Variants in PGR observed in about 807,000 individuals in gnomAD.
PGR encodes the protein nuclear receptor subfamily 3 group C member 3.
A neutral mutation model predicts 76.1 loss-of-function variants in PGR; 25 were observed. That is an observed-to-expected ratio of 0.33 (90% CI 0.24 to 0.46). The LOEUF (loss-of-function observed/expected upper bound fraction) is 0.46, where lower values mean the gene tolerates loss of function less well. PGR is among the 20% of genes least tolerant of loss of function. The pLI is 1.00. For synonymous variants in PGR, 579 were observed against 535.0 expected (o/e 1.08, Z -1.14); for missense variants, 1,172 against 1,225.3 (o/e 0.96, Z 0.65).
At chr11:101,073,277 GA>G (rs1460830724) in intron 3 of PGR, among the ~76,000 whole-genome samples, 1 of 152,132 alleles carries the variant, frequency 6.6e-6, no homozygotes, top group Non-Finnish European at 1.5e-5. Flanking sequence ...TGAAACCAAT[GA>G]GAACAAAGAC....
chr11:101,126,018 C>G lies in PGR; in HGVS notation c.1778G>C (p.Arg593Thr). The G allele has an allele frequency of 6.2e-7, 1 of 1,613,940 alleles. No individual in the cohort carries two copies. Among genetic ancestry groups the G allele is most frequent in the Non-Finnish European group, 8.5e-7 (1 of 1,179,902 alleles). ...GGAAAGGAGCCTACCTTCCATTGCC[C>G]TCTTAAAGAAGACCTTACAGCTCCC... is the stretch of plus-strand genomic sequence containing the variant. ...TCGSCKVFFK[R>T]AMEGQHNYLC... is the part of the protein sequence containing the mutation. Residue 593 changes from arginine to threonine, a missense_variant, in exon 2 of 8, where the codon AGG (arginine) becomes ACG (threonine). Transcript: ENST00000325455.
Position 101,127,605 on chromosome 11 carries a change from A to C in PGR, c.1466T>G (p.Leu489Arg), listed in dbSNP as rs966448999. Residue 489 changes from leucine to arginine, a missense_variant, in exon 1 of 8, where the codon CTG becomes CGG. This residue lies in a region of PGR where 893 missense variants were observed against 785.9 expected (regional missense o/e 1.14). Coordinates refer to ENST00000325455, the MANE Select transcript of PGR (RefSeq NM_000926.4). The stretch of plus-strand genomic sequence containing the variant: ...GGAGGGCAGGCCGTCCCGCGGGAGC[A>C]GGCAGCCGCTCGCGCCCGGCGCCTT... ...PCKAPGASGC[L>R]LPRDGLPSTS... 2 of 1,303,588 alleles carry C rather than the reference A, an allele frequency of 1.5e-6. No individual in the cohort carries two copies. Among genetic ancestry groups the C allele is most frequent in the African/African-American group, 3.1e-5 (2 of 64,524 alleles). The allele number at this position is 1,303,588 out of a possible 1,614,324, so 80.8% of individuals were successfully genotyped here. A position where few individuals can be genotyped will look rare whatever the true frequency, so the allele number is the denominator to read the frequency against.
Position 101,030,126 on chromosome 11 carries a change from T to C in PGR, c.*8990A>G, listed in dbSNP as rs1346690311. The C allele has an allele frequency of 9.1e-6, 2 of 219,674 alleles. No individual in the cohort carries two copies. The highest frequency in any genetic ancestry group is 1.8e-5 in the Non-Finnish European group (2 of 109,634). The allele number at this position is 219,674 out of a possible 1,614,324, so 13.6% of individuals were successfully genotyped here. ...AAAGTATAACTCTGGACAATGTACT[T>C]AGGGACCTACTACTTACTCAAAATA... On this transcript the variant is annotated 3_prime_UTR_variant, in exon 8 of 8. Transcript: ENST00000325455.
Position 101,128,026 on chromosome 11 carries a change from A to G in PGR, c.1045T>C (p.Ser349Pro), listed in dbSNP as rs1862936049. Residue 349 changes from serine (S) to proline (P), a missense_variant, in exon 1 of 8, where the codon TCG (serine) becomes CCG (proline). Transcript: ENST00000325455. ...TCGCCTACAGCGACCGGGGTGGACG[A>G]GGCACAGGGTGAACTCCGCGGCGGG... ...FAPPRSSPCA[S>P]STPVAVGDFP... 1.9e-6 allele frequency: 3 copies of G among 1,608,598 alleles called. No homozygotes were observed. Among genetic ancestry groups the G allele is most frequent in the Non-Finnish European group, 2.5e-6 (3 of 1,179,794 alleles).
At chr11:101,111,571 G>A (rs950405685) in intron 2 of PGR, among the ~76,000 whole-genome samples, 2 of 152,170 alleles carry the variant, frequency 1.3e-5, no homozygotes, top group Non-Finnish European at 1.5e-5. Flanking sequence ...TAGCTGAAAT[G>A]CCATTTCTGG....
intron 2 of PGR, among the ~76,000 whole-genome samples, chr11:101,094,792 G>A (rs1861785614): frequency 6.6e-6 from 1 of 152,086 alleles, no homozygotes; most frequent in African/African-American, 2.4e-5. Flanking sequence ...TTGAATGTTT[G>A]TGTCCCCTTC....
At chr11:101,119,210 C>A (rs1862600005) in intron 2 of PGR, among the ~76,000 whole-genome samples, 1 of 152,226 alleles carries the variant, frequency 6.6e-6, no homozygotes, top group Admixed American at 6.5e-5. Context: ...CACTTCCTAA[C>A]AGGCCATGGG....
chr11:101,095,611 A>C (rs552734777), intron 2 of PGR, among the ~76,000 whole-genome samples: 1 of 152,340 alleles, frequency 6.6e-6, no homozygotes, highest in African/African-American at 2.4e-5. Flanking sequence ...GAGGTAGTAT[A>C]GAAAGTTACT....
intron 7 of PGR, 154 bp downstream of exon 7, chr11:101,041,791 C>G: frequency 1.6e-6 from 1 of 632,212 alleles, no homozygotes; most frequent in Non-Finnish European, 2.7e-6. Flanking sequence ...AAAAAAAACA[C>G]AATAAAAAGT....
At chr11:101,119,914 T>C (rs1243170946) in intron 2 of PGR, among the ~76,000 whole-genome samples, 1 of 152,230 alleles carries the variant, frequency 6.6e-6, no homozygotes, top group Admixed American at 6.5e-5. Context: ...AACCTCTCTT[T>C]ACACCCATCT....
At chr11:101,111,101 T>C (rs1862328638) in intron 2 of PGR, among the ~76,000 whole-genome samples, 1 of 152,228 alleles carries the variant, frequency 6.6e-6, no homozygotes, top group Admixed American at 6.5e-5. Flanking sequence ...CAATATTTGC[T>C]TTATTGTAGT....
At chr11:101,124,253 C>T (rs982140521) in intron 2 of PGR, among the ~76,000 whole-genome samples, 1 of 152,114 alleles carries the variant, frequency 6.6e-6, no homozygotes, top group Non-Finnish European at 1.5e-5. Flanking sequence ...GGAAAGACTT[C>T]GTCTACAGTT....
At position 101,037,554 on chromosome 11, in the gene PGR, T is replaced by C. The variant is rs549535467; in HGVS notation, c.*1562A>G. ...GAATTTTGCTTAGGGAGAGAAATAA[T>C]ATTCCATTCATTCAGTTTAAAAACT... On this transcript the variant is annotated 3_prime_UTR_variant, in exon 8 of 8. Transcript: ENST00000325455. 2.6e-5 allele frequency: 6 copies of C among 228,290 alleles called. No individual in the cohort carries two copies. In the South Asian group the frequency reaches 5.5e-4, roughly 21 times the overall value. 14.1% of individuals were successfully genotyped at this position (228,290 alleles called of 1,614,324 possible).
intron 3 of PGR, among the ~76,000 whole-genome samples, chr11:101,073,899 G>T (rs1861031933): frequency 6.6e-6 from 1 of 152,112 alleles, no homozygotes; most frequent in African/African-American, 2.4e-5. Context: ...TTCTACCAGA[G>T]ATACAAGGAG....
chr11:101,116,837 C>T (rs1004532614), intron 2 of PGR, among the ~76,000 whole-genome samples: 1 of 151,132 alleles, frequency 6.6e-6, no homozygotes, highest in Non-Finnish European at 1.5e-5. Flanking sequence ...TTTTAGATAG[C>T]TCTCTATACC....
chr11:101,068,078 A>G (rs1214450914), intron 3 of PGR, among the ~76,000 whole-genome samples: 1 of 152,174 alleles, frequency 6.6e-6, no homozygotes, highest in Admixed American at 6.5e-5. Flanking sequence ...AAGCCAACTG[A>G]GTCCAGAGGT....
At chr11:101,094,149 AC>A (rs1861763640) in intron 2 of PGR, among the ~76,000 whole-genome samples, 1 of 152,078 alleles carries the variant, frequency 6.6e-6, no homozygotes, top group Non-Finnish European at 1.5e-5. Flanking sequence ...AAAAAAAGGA[AC>A]CCTAGCTCAC....
intron 6 of PGR, among the ~76,000 whole-genome samples, chr11:101,047,738 T>C (rs1859941610): frequency 6.6e-6 from 1 of 152,094 alleles, no homozygotes; most frequent in Non-Finnish European, 1.5e-5. Flanking sequence ...AAGCATCAGT[T>C]TGTACATTTG....
At chr11:101,123,211 TA>T (rs1434243979) in intron 2 of PGR, among the ~76,000 whole-genome samples, 1 of 152,172 alleles carries the variant, frequency 6.6e-6, no homozygotes, top group Non-Finnish European at 1.5e-5. Context: ...CTAAATAAGT[TA>T]AGACCTGCAA....
Sources: gnomAD v4.1 joint callset for allele counts (sites outside exome capture counted in the v4.1 genomes callset) on GRCh38, gnomAD v4.1.1 for gene constraint, gnomAD v4.1.1 regional missense constraint, MANE v1.5 for transcripts, NCBI Gene and HGNC (gene_info 2026-07-23, HGNC 2026-07-21) for gene names.